The following CFAP47 variants were observed in gnomAD, a reference collection of about 807,000 sequenced individuals.
The protein encoded by CFAP47 is cilia- and flagella-associated protein 47.
CFAP47 carries 29 observed loss-of-function variants against 148.1 expected under a neutral mutation model. The ratio of observed to expected loss-of-function variants is 0.20; its 90% CI spans 0.15 to 0.27. CFAP47 has a LOEUF of 0.27. CFAP47 is among the 10% of genes least tolerant of loss of function. CFAP47 has a pLI of 1.00. For synonymous variants in CFAP47, 664 were observed against 577.3 expected, an observed-to-expected ratio of 1.15 and a Z score of -2.15; for missense variants, 1,872 against 1,697.5, an observed-to-expected ratio of 1.10 and a Z score of -1.81.
intron 40 of CFAP47, among the ~76,000 whole-genome samples, chrX:36,185,866 A>G (rs1311324238): frequency 9.0e-6 from 1 of 111,397 alleles, no homozygotes; most frequent in Non-Finnish European, 1.9e-5. Context: ...AAGAACACTA[A>G]TTCTATTGGA....
chrX:36,115,349 T>C (rs1283032624), intron 33 of CFAP47, among the ~76,000 whole-genome samples: 2 of 112,060 alleles, frequency 1.8e-5, no homozygotes, highest in Non-Finnish European at 3.8e-5. Flanking sequence ...AGCTCTTTAC[T>C]CATATTATTT....
Position 36,134,129 on chromosome X carries a change from A to G in CFAP47, c.5321-3829A>G, listed in dbSNP as rs1397570463. Among the ~76,000 whole-genome samples, 8 of 111,341 alleles carry G rather than the reference A, an allele frequency of 7.2e-5. No homozygotes were observed. In the East Asian group the frequency reaches 1.7e-3, roughly 24 times the overall value. On this transcript the variant is annotated intron_variant, in intron 33 of 63. Transcript: ENST00000378653. ...ATGTATAACAAAATAAATTAGAGAT[A>G]TATATGCTATAAACTACAAAACACT...
intron 15 of CFAP47, among the ~76,000 whole-genome samples, chrX:35,980,201 G>A (rs1387827814): frequency 9.0e-6 from 1 of 111,325 alleles, no homozygotes; most frequent in Non-Finnish European, 1.9e-5. Context: ...TTAATATATT[G>A]GGGAGAAATA....
At chrX:36,012,029 A>G (rs1394887711) in intron 21 of CFAP47, among the ~76,000 whole-genome samples, 2 of 111,689 alleles carry the variant, frequency 1.8e-5, no homozygotes, top group African/African-American at 6.5e-5. Flanking sequence ...ATGAACAGAC[A>G]CTTAAGACAT....
intron 8 of CFAP47, among the ~76,000 whole-genome samples, chrX:35,963,936 A>G (rs1244840903): frequency 1.8e-5 from 2 of 111,508 alleles, no homozygotes; most frequent in Non-Finnish European, 3.8e-5. Flanking sequence ...AAGCTCATCC[A>G]TACTCTAATA....
At chrX:36,085,188 TTA>T in intron 29 of CFAP47, 124 bp from the exon 30 acceptor site, 2 of 443,423 alleles carry the variant, frequency 4.5e-6, no homozygotes, top group East Asian at 7.6e-5. Flanking sequence ...GTGAAGTGTA[TTA>T]TGGAGTTTCT....
chrX:35,941,334 A>T lies in CFAP47; in HGVS notation c.453A>T (p.Thr151=), dbSNP rs1390692554. ...LEIESVVNFG[T]LVANSKVYSK... is the part of the protein sequence containing the mutation. ...TTGAATCAGTAGTTAATTTTGGCAC[A>T]CTGGTTGCCAATAGTAAAGTATATT... The change falls in exon 3 of 64, where the codon ACA becomes ACT. Residue 151 remains threonine, a synonymous_variant. Transcript: ENST00000378653. 8.5e-7 allele frequency: 1 copy of T among 1,180,606 alleles called. No individual in the cohort carries two copies.
rs781788328 is a variant in CFAP47, at chrX:36,310,287, T to C, written c.8188-546T>C. Reference sequence around the variant, plus strand: ...GCCACATTCAATCTCCTTCACATAATTTTTGATTCATTTATCCATATCATG... The same window carrying C: ...GCCACATTCAATCTCCTTCACATAACTTTTGATTCATTTATCCATATCATG... On this transcript the variant is annotated intron_variant, in intron 55 of 63. Transcript: ENST00000378653. 1.4e-4 allele frequency among the ~76,000 whole-genome samples: 16 copies of C among 111,262 alleles called. No individual in the cohort carries two copies. In the South Asian group the frequency reaches 5.9e-3, roughly 41 times the overall value.
At chrX:36,333,654 C>A (rs1941582381) in intron 57 of CFAP47, among the ~76,000 whole-genome samples, 1 of 111,486 alleles carries the variant, frequency 9.0e-6, no homozygotes, top group South Asian at 3.8e-4. Flanking sequence ...ATTACCTGCT[C>A]TTTACCCAAC....
At chrX:36,244,443 A>G (rs1168359476) in intron 48 of CFAP47, among the ~76,000 whole-genome samples, 1 of 111,304 alleles carries the variant, frequency 9.0e-6, no homozygotes, top group Non-Finnish European at 1.9e-5. Context: ...AATAAAATCA[A>G]GTGTTGGCTC....
chrX:36,343,265 G>A (rs1000399338), intron 57 of CFAP47, among the ~76,000 whole-genome samples: 1 of 111,799 alleles, frequency 8.9e-6, no homozygotes, highest in African/African-American at 3.3e-5. Flanking sequence ...ATCAAAAAGT[G>A]GGTGAAGGAT....
At chrX:36,350,182 A>G (rs1418700741) in intron 59 of CFAP47, 50 bp downstream of exon 59, 3 of 796,729 alleles carry the variant, frequency 3.8e-6, no homozygotes, top group Non-Finnish European at 5.5e-6. Flanking sequence ...GAGACCTTAG[A>G]TATTCTCTAT....
intron 33 of CFAP47, among the ~76,000 whole-genome samples, chrX:36,131,594 A>C (rs1467831572): frequency 8.9e-6 from 1 of 111,847 alleles, no homozygotes; most frequent in Non-Finnish European, 1.9e-5. Flanking sequence ...ATTATTCACA[A>C]TAGCCAAAAA....
In CFAP47 at chrX:36,296,181, T is replaced by C. The variant is rs963821947; in HGVS notation, c.7687-2796T>C. 3.6e-5 allele frequency among the ~76,000 whole-genome samples: 4 copies of C among 111,832 alleles called. No homozygotes were observed. The Admixed American group carries it at 3.8e-4, about 11-fold the overall frequency. On this transcript the variant is annotated intron_variant, in intron 51 of 63. Coordinates refer to ENST00000378653, the MANE Select transcript of CFAP47 (RefSeq NM_001304548.2). Reference sequence around the variant, plus strand: ...GAGGAGCTGTGATTTAAGTACTCCATAGACACCATCCGTATCTCCCACTCT... The same window carrying C: ...GAGGAGCTGTGATTTAAGTACTCCACAGACACCATCCGTATCTCCCACTCT...
chrX:36,235,839 A>T, intron 46 of CFAP47, 95 bp from the exon 47 acceptor site: 1 of 376,589 alleles, frequency 2.7e-6, no homozygotes, highest in East Asian at 4.4e-5. Context: ...TAAAAATACA[A>T]TATATAATGC....
intron 62 of CFAP47, among the ~76,000 whole-genome samples, chrX:36,371,633 TATACACAC>T (rs1237425508): frequency 2.2e-5 from 2 of 89,925 alleles, no homozygotes; most frequent in African/African-American, 4.0e-5. Flanking sequence ...TATATGTGTA[TATACACAC>T]ATATGTGTAT....
chrX:36,278,024 C>T (rs1941036309), intron 49 of CFAP47, among the ~76,000 whole-genome samples: 1 of 112,125 alleles, frequency 8.9e-6, no homozygotes, highest in Non-Finnish European at 1.9e-5. Flanking sequence ...AGGTGTCTCC[C>T]AGTTAGGCTA....
At chrX:35,990,683 A>G (rs1936779015) in intron 16 of CFAP47, among the ~76,000 whole-genome samples, 1 of 111,023 alleles carries the variant, frequency 9.0e-6, no homozygotes, top group Non-Finnish European at 1.9e-5. Context: ...AGTTGTTTAG[A>G]TACTGTCTAA....
At chrX:36,213,837 A>G (rs1430771238) in intron 45 of CFAP47, among the ~76,000 whole-genome samples, 1 of 112,280 alleles carries the variant, frequency 8.9e-6, no homozygotes, top group Non-Finnish European at 1.9e-5. Context: ...ACCTTAAGCA[A>G]TAATTAAATA....
Sources: allele counts gnomAD v4.1 joint callset (sites outside exome capture counted in the v4.1 genomes callset), GRCh38; gene constraint gnomAD v4.1.1; transcripts MANE v1.5; gene names NCBI Gene and HGNC (gene_info 2026-07-23, HGNC 2026-07-21).